Variants in CFAP45 observed in about 807,000 individuals in gnomAD.
CFAP45 encodes cilia- and flagella-associated protein 45.
A neutral mutation model predicts 75.6 loss-of-function variants in CFAP45; 43 were observed. The ratio of observed to expected loss-of-function variants is 0.57; its 90% CI spans 0.45 to 0.73. The LOEUF (loss-of-function observed/expected upper bound fraction) is 0.73, where lower values mean the gene tolerates loss of function less well. Among genes scored for constraint, CFAP45 ranks in the 30% least tolerant of loss-of-function variants. The probability of loss-of-function intolerance (pLI) is 0.00; values close to 1 mark genes in which losing one functional copy is unlikely to be tolerated. For missense variants in CFAP45, 689 were observed against 701.5 expected (o/e 0.98, Z 0.20); for synonymous variants, 223 against 244.6 (o/e 0.91, Z 0.82).
chr1:159,890,703 C>T, intron 2 of CFAP45, 81 bp from the exon 3 acceptor site: 5 of 1,240,592 alleles, frequency 4.0e-6, no homozygotes, highest in Non-Finnish European at 4.6e-6. Flanking sequence ...GATAGAGCAG[C>T]GTGATGCCCT....
chr1:159,878,774 A>AAAAAC (rs2101842639), intron 8 of CFAP45, among the ~76,000 whole-genome samples: 1 of 139,746 alleles, frequency 7.2e-6, no homozygotes, highest in East Asian at 2.0e-4. Flanking sequence ...AAAAAAAAAA[A>AAAAAC]AAAAAAAACC....
In CFAP45 at chr1:159,890,580, G is replaced by A. The variant is rs566120812; in HGVS notation, c.172C>T (p.Arg58Ter). Residue 58 changes from arginine (R) to a stop codon, truncating the protein, a stop_gained, in exon 3 of 12, where the codon CGA becomes TGA. Coordinates refer to ENST00000368099, the MANE Select transcript of CFAP45 (RefSeq NM_012337.3). LOFTEE classifies it high-confidence loss of function. ...GTTTTTTGAAGGGTATGCTTATCTC[G>A]GAGCAGCACAATGGGGCTGTCGCTC... Reference protein sequence around the residue: ...GQSDSPIVLLRDKHTLQKTLT... With the variant: ...GQSDSPIVLL The A allele has an allele frequency of 1.7e-5, 28 of 1,613,966 alleles. No homozygotes were observed. Among genetic ancestry groups the A allele is most frequent in the East Asian group, 2.2e-5 (1 of 44,858 alleles).
chr1:159,872,813 G>A, intron 11 of CFAP45, 131 bp downstream of exon 11: 2 of 914,878 alleles, frequency 2.2e-6, no homozygotes, highest in Non-Finnish European at 3.3e-6. Flanking sequence ...AGCCCTGGGT[G>A]GGGAGAAGAG....
chr1:159,876,506 C>A, intron 10 of CFAP45, 50 bp downstream of exon 10: 1 of 1,333,084 alleles, frequency 7.5e-7, no homozygotes, highest in Non-Finnish European at 1.1e-6. Flanking sequence ...TATGGACCAT[C>A]CCTGCTACAG....
intron 7 of CFAP45, among the ~76,000 whole-genome samples, chr1:159,881,677 C>A (rs900380518): frequency 6.6e-6 from 1 of 152,208 alleles, no homozygotes; most frequent in Non-Finnish European, 1.5e-5. Flanking sequence ...AAACATTTGA[C>A]GGAGATCAGA....
rs1324458767 is a variant in CFAP45, at chr1:159,890,499, C to A, written c.253G>T (p.Asp85Tyr). The A allele has an allele frequency of 4.3e-6, 7 of 1,613,996 alleles. No individual in the cohort carries two copies. Among genetic ancestry groups the A allele is most frequent in the Non-Finnish European group, 5.9e-6 (7 of 1,180,024 alleles). ...ACTCACATGAGTTCTCGGACCATGT[C>A]CCGGGTGATGAGCTGGATGGTCTCT... ...KPETIQLITR[D>Y]MVRELIVPTE... The change falls in exon 3 of 12, where the codon GAC (aspartate) becomes TAC (tyrosine). Residue 85 changes from aspartate to tyrosine, a missense_variant. Asp to Tyr is a radical substitution (Grantham distance 160). Transcript: ENST00000368099.
chr1:159,877,242 A>G, intron 9 of CFAP45, 107 bp downstream of exon 9: 1 of 840,774 alleles, frequency 1.2e-6, no homozygotes, highest in Non-Finnish European at 2.1e-6. Context: ...GGTAACTTGC[A>G]TCCTTTCCTC....
intron 5 of CFAP45, among the ~76,000 whole-genome samples, chr1:159,887,444 C>T (rs945174081): frequency 6.6e-6 from 1 of 152,224 alleles, no homozygotes; most frequent in Admixed American, 6.5e-5. Context: ...CCAATTGCCT[C>T]GACCACCATA....
Position 159,872,485 on chromosome 1 carries a change from T to C in CFAP45, c.1656A>G (p.Ter552TrpextTer26), listed in dbSNP as rs1245107742. ...ATCCTGAGGGCCACGAAGGCTCCCCTCAGTTCACAGAGGTAGCTGGCAGGA... is the reference window on the plus strand; with the variant it reads ...ATCCTGAGGGCCACGAAGGCTCCCCCCAGTTCACAGAGGTAGCTGGCAGGA... Reference protein sequence around the residue: ...ANILPATSVN* With the variant: ...ANILPATSVNW The change falls in exon 12 of 12, where the codon TGA becomes TGG. Residue 552 changes from the stop codon to tryptophan, a stop_lost. Transcript: ENST00000368099. 2 of 1,613,848 alleles carry C rather than the reference T, an allele frequency of 1.2e-6. No individual in the cohort carries two copies. Among genetic ancestry groups the C allele is most frequent in the Admixed American group, 3.3e-5 (2 of 60,020 alleles).
chr1:159,890,321 G>C (rs186076684), intron 3 of CFAP45, among the ~76,000 whole-genome samples, 159 bp downstream of exon 3: 119 of 152,308 alleles, frequency 7.8e-4, no homozygotes, highest in Non-Finnish European at 7.8e-4. Context: ...GGATGGAGAA[G>C]AAAGAAAGAA....
chr1:159,876,247 T>A, intron 10 of CFAP45: 1 of 402,672 alleles, frequency 2.5e-6, no homozygotes, highest in Admixed American at 3.9e-5. Flanking sequence ...GGCACATGGG[T>A]CAGAGGGCAG....
Position 159,877,459 on chromosome 1 carries a change from G to C in CFAP45, c.1048C>G (p.Arg350Gly), listed in dbSNP as rs373901651. The part of the protein sequence containing the change: ...VMEFTKKKMA[R>G]EAEFEAEQER... ...TGCTCAGCCTCAAACTCTGCTTCTCGAGCCTGCCGGAAGGAAAGGCCTTGT... is the reference window on the plus strand; with the variant it reads ...TGCTCAGCCTCAAACTCTGCTTCTCCAGCCTGCCGGAAGGAAAGGCCTTGT... Residue 350 changes from arginine (R) to glycine (G), a missense_variant, in exon 9 of 12, where the codon CGA becomes GGA. Arg to Gly is a moderately radical substitution (Grantham distance 125, BLOSUM62 -2). Transcript: ENST00000368099. 5 of 1,611,962 alleles carry C rather than the reference G, an allele frequency of 3.1e-6. No homozygotes were observed. Among genetic ancestry groups the C allele is most frequent in the South Asian group, 1.1e-5 (1 of 91,044 alleles).
Position 159,886,684 on chromosome 1 carries a change from G to A in CFAP45, c.594C>T (p.Ile198=), listed in dbSNP as rs149299675. Residue 198 remains isoleucine (I), a synonymous_variant, in exon 6 of 12, where the codon ATC becomes ATT. Coordinates refer to ENST00000368099, the MANE Select transcript of CFAP45 (RefSeq NM_012337.3). ...EEELKDMSKI[I]LNAKCHAIRD... ...GGATGGCATGGCACTTAGCATTGAG[G>A]ATAATCTGGAGAGTGGAGATTAAAC... 260 of 1,613,740 alleles carry A rather than the reference G, an allele frequency of 1.6e-4. 1 individual carries two copies. Among genetic ancestry groups the A allele is most frequent in the Non-Finnish European group, 2.1e-4 (247 of 1,179,630 alleles).
Position 159,877,450 on chromosome 1 carries a change from C to T in CFAP45, c.1057G>A (p.Glu353Lys). 1 of 1,613,878 alleles carries T rather than the reference C, an allele frequency of 6.2e-7. No individual in the cohort carries two copies. Among genetic ancestry groups the T allele is most frequent in the Non-Finnish European group, 8.5e-7 (1 of 1,179,718 alleles). The part of the protein sequence containing the change: ...FTKKKMAREA[E>K]FEAEQERIRR... ...ATTCTCTCCTGCTCAGCCTCAAACT[C>T]TGCTTCTCGAGCCTGCCGGAAGGAA... The change falls in exon 9 of 12, where the codon GAG becomes AAG. Residue 353 changes from glutamate (E) to lysine (K), a missense_variant. By Grantham distance (56) the Glu-to-Lys change is moderately conservative. Coordinates refer to ENST00000368099, the MANE Select transcript of CFAP45 (RefSeq NM_012337.3).
intron 7 of CFAP45, among the ~76,000 whole-genome samples, chr1:159,882,136 T>G (rs979564356): frequency 1.3e-5 from 2 of 152,214 alleles, no homozygotes; most frequent in African/African-American, 4.8e-5. Flanking sequence ...CTGAGGTCCA[T>G]GTGGTGCGTG....
chr1:159,886,537 C>G lies in CFAP45; in HGVS notation c.741G>C (p.Glu247Asp), dbSNP rs1649690789. 1 of 1,614,208 alleles carries G rather than the reference C, an allele frequency of 6.2e-7. No individual in the cohort carries two copies. The highest frequency in any genetic ancestry group is 8.5e-7 in the Non-Finnish European group (1 of 1,180,022). The change falls in exon 6 of 12, where the codon GAG (glutamate) becomes GAC (aspartate). Residue 247 changes from glutamate to aspartate, a missense_variant. Physicochemically the swap from Glu to Asp is conservative, Grantham distance 45. Coordinates refer to ENST00000368099, the MANE Select transcript of CFAP45 (RefSeq NM_012337.3). Reference protein sequence around the residue: ...QKSIQRQEELERKRREERIRG... With the variant: ...QKSIQRQEELDRKRREERIRG... The stretch of plus-strand genomic sequence containing the variant: ...TAATTCTTTCCTCCCTCCTCTTCCT[C>G]TCCAGTTCCTCCTGCCTTTGAATGG...
In CFAP45 at chr1:159,872,441, G is replaced by A. The variant is rs1135328; in HGVS notation, c.*44C>T. The A allele has an allele frequency of 6.9e-7, 1 of 1,453,340 alleles. No individual in the cohort carries two copies. The highest frequency in any genetic ancestry group is 1.1e-5 in the South Asian group (1 of 87,878). 90.0% of individuals were successfully genotyped at this position (1,453,340 alleles called of 1,614,324 possible). A position where few individuals can be genotyped will look rare whatever the true frequency, so the allele number is the denominator to read the frequency against. On this transcript the variant is annotated 3_prime_UTR_variant, in exon 12 of 12. Coordinates refer to ENST00000368099, the MANE Select transcript of CFAP45 (RefSeq NM_012337.3). ...ATTATGGATGCCCAGAGACTGGGCA[G>A]AATCTGTCCCCCGAAGGCATCCTGA... is the stretch of plus-strand genomic sequence containing the variant.
intron 1 of CFAP45, among the ~76,000 whole-genome samples, chr1:159,896,705 A>AGG (rs897673040): frequency 7.9e-5 from 12 of 152,282 alleles, no homozygotes; most frequent in African/African-American, 2.9e-4. Flanking sequence ...CTGAGAAGGC[A>AGG]GGGGGTCTGG....
At position 159,893,379 on chromosome 1, in the gene CFAP45, C is replaced by A. The variant is rs774177149; in HGVS notation, c.4-74G>T. 19 of 1,472,220 alleles carry A rather than the reference C, an allele frequency of 1.3e-5. No individual in the cohort carries two copies. The Middle Eastern group carries it at 2.2e-3, about 168-fold the overall frequency. The allele number at this position is 1,472,220 out of a possible 1,614,324, so 91.2% of individuals were successfully genotyped here. ...AGACCCTGGGAAGTCAACAATTCAC[C>A]AGCCCATGCTGGGGGAGTGGGTGGG... is the stretch of plus-strand genomic sequence containing the variant. On this transcript the variant is annotated intron_variant, in intron 1 of 11. Transcript: ENST00000368099.
Sources: gnomAD v4.1 joint callset for allele counts (sites outside exome capture counted in the v4.1 genomes callset) on GRCh38, gnomAD v4.1.1 for gene constraint, MANE v1.5 for transcripts, NCBI Gene and HGNC (gene_info 2026-07-23, HGNC 2026-07-21) for gene names.